Variants in TBC1D22A observed in about 807,000 individuals in gnomAD.
TBC1D22A encodes the protein TBC1 domain family member 22A, also known as putative GTPase activator.
TBC1D22A carries 38 observed loss-of-function variants against 60.2 expected under a neutral mutation model. That is an observed-to-expected ratio of 0.63 (90% CI 0.49 to 0.83). The LOEUF (loss-of-function observed/expected upper bound fraction) is 0.83. Ranked by LOEUF, TBC1D22A falls within the 40% of genes least tolerant of loss-of-function variation. The probability of loss-of-function intolerance (pLI) is 0.00; values close to 1 mark genes in which losing one functional copy is unlikely to be tolerated. For missense variants in TBC1D22A, 628 were observed against 701.0 expected, an observed-to-expected ratio of 0.90 and a Z score of 1.18; for synonymous variants, 302 against 281.7, an observed-to-expected ratio of 1.07 and a Z score of -0.72.
At chr22:46,796,197 G>A (rs73182615) in intron 3 of TBC1D22A, among the ~76,000 whole-genome samples, 5,464 of 152,236 alleles carry the variant, frequency 0.036, 128 homozygotes, top group Non-Finnish European at 0.054. Context: ...GAGACAGGGC[G>A]GTACTCTGAA....
intron 4 of TBC1D22A, among the ~76,000 whole-genome samples, chr22:46,839,309 CTTT>C (rs1178066621): frequency 2.9e-5 from 4 of 139,954 alleles, no homozygotes; most frequent in Non-Finnish European, 1.6e-5. Context: ...GATTCTTCTT[CTTT>C]TTTTTTTTTT....
At chr22:46,949,873 G>T (rs990058394) in intron 8 of TBC1D22A, among the ~76,000 whole-genome samples, 1 of 152,206 alleles carries the variant, frequency 6.6e-6, no homozygotes, top group African/African-American at 2.4e-5. Flanking sequence ...GAGACTTCCA[G>T]GGGGCCCTGA....
At chr22:46,786,009 T>C (rs1332571993) in intron 1 of TBC1D22A, among the ~76,000 whole-genome samples, 2 of 152,242 alleles carry the variant, frequency 1.3e-5, no homozygotes, top group Non-Finnish European at 2.9e-5. Context: ...CTTTAACTCC[T>C]GGGCTCAAGT....
At chr22:46,999,575 G>A (rs563424580) in intron 10 of TBC1D22A, among the ~76,000 whole-genome samples, 185 of 152,272 alleles carry the variant, frequency 1.2e-3, no homozygotes, top group Non-Finnish European at 2.1e-3. Flanking sequence ...CTTGGGAGAA[G>A]CATCTGCAGG....
At chr22:47,046,688 T>A (rs893819655) in intron 11 of TBC1D22A, among the ~76,000 whole-genome samples, 2 of 152,204 alleles carry the variant, frequency 1.3e-5, no homozygotes, top group Non-Finnish European at 1.5e-5. Flanking sequence ...GAGCTGCTGC[T>A]GTGATGGCGC....
chr22:47,166,468 TAATA>T (rs201494615), intron 12 of TBC1D22A, among the ~76,000 whole-genome samples: 2,499 of 152,366 alleles, frequency 0.016, 75 homozygotes, highest in African/African-American at 0.057. Context: ...CTTTTGTTCT[TAATA>T]AATATTCAAA....
At chr22:46,794,929 A>T (rs1383218884) in intron 3 of TBC1D22A, among the ~76,000 whole-genome samples, 2 of 152,128 alleles carry the variant, frequency 1.3e-5, no homozygotes, top group Admixed American at 6.5e-5. Context: ...AGCTGAGAAG[A>T]TGGAGATTGT....
At chr22:46,771,598 A>G (rs1325036557) in intron 1 of TBC1D22A, among the ~76,000 whole-genome samples, 6 of 139,374 alleles carry the variant, frequency 4.3e-5, no homozygotes, top group African/African-American at 1.6e-4. Flanking sequence ...CCTACTTACT[A>G]TTTTTTTTTT....
At chr22:47,003,923 C>T (rs745918480) in intron 10 of TBC1D22A, among the ~76,000 whole-genome samples, 7 of 144,364 alleles carry the variant, frequency 4.8e-5, no homozygotes, top group African/African-American at 7.8e-5. Context: ...ACACACCCTA[C>T]GCACGCATGC....
intron 11 of TBC1D22A, among the ~76,000 whole-genome samples, chr22:47,057,076 T>G (rs1198390196): frequency 2.0e-5 from 3 of 152,238 alleles, no homozygotes; most frequent in Non-Finnish European, 2.9e-5. Flanking sequence ...GCCCCGGGTC[T>G]GTGGCATTCT....
At chr22:47,007,142 C>T (rs1199041952) in intron 10 of TBC1D22A, among the ~76,000 whole-genome samples, 3 of 152,192 alleles carry the variant, frequency 2.0e-5, no homozygotes, top group African/African-American at 7.2e-5. Context: ...GTCACTGTCA[C>T]ATTGACCTCG....
At chr22:46,769,163 A>T (rs952036268) in intron 1 of TBC1D22A, among the ~76,000 whole-genome samples, 22 of 150,552 alleles carry the variant, frequency 1.5e-4, no homozygotes, top group Admixed American at 1.4e-3. Context: ...CATGGCAAGG[A>T]TGTGAGTGCT....
chr22:46,968,596 C>T (rs113480095), intron 8 of TBC1D22A, among the ~76,000 whole-genome samples: 16 of 148,972 alleles, frequency 1.1e-4, no homozygotes, highest in African/African-American at 3.7e-4. Context: ...CCTGAGTGGG[C>T]GGGCGTCCTC....
intron 11 of TBC1D22A, among the ~76,000 whole-genome samples, chr22:47,069,605 G>A (rs561744760): frequency 6.6e-6 from 1 of 151,988 alleles, no homozygotes; most frequent in African/African-American, 2.4e-5. Flanking sequence ...GTTCCAGGCT[G>A]TTCCCTGTTG....
chr22:46,971,956 C>T (rs570631339), intron 8 of TBC1D22A, among the ~76,000 whole-genome samples: 12 of 152,210 alleles, frequency 7.9e-5, no homozygotes, highest in Non-Finnish European at 1.3e-4. Flanking sequence ...GTGGACAGAA[C>T]CACCAGGAGA....
At chr22:46,778,124 G>A (rs745344360) in intron 1 of TBC1D22A, among the ~76,000 whole-genome samples, 3 of 152,038 alleles carry the variant, frequency 2.0e-5, no homozygotes, top group Non-Finnish European at 4.4e-5. Context: ...TGCGATTGGC[G>A]CTCACGGGAC....
At chr22:47,142,852 C>G (rs1214570429) in intron 12 of TBC1D22A, among the ~76,000 whole-genome samples, 1 of 135,880 alleles carries the variant, frequency 7.4e-6, no homozygotes, top group Non-Finnish European at 1.6e-5. Context: ...ATCCATTCAT[C>G]CACCCATCCA....
At chr22:46,907,961 A>C (rs997215110) in intron 7 of TBC1D22A, among the ~76,000 whole-genome samples, 1 of 152,212 alleles carries the variant, frequency 6.6e-6, no homozygotes, top group Non-Finnish European at 1.5e-5. Context: ...AGACAGCCGC[A>C]GAGTGGCTGG....
At chr22:46,831,629 C>G (rs2086314289) in intron 4 of TBC1D22A, among the ~76,000 whole-genome samples, 1 of 152,082 alleles carries the variant, frequency 6.6e-6, no homozygotes, top group South Asian at 2.1e-4. Flanking sequence ...CGTGAGCATC[C>G]ACAGAGGAAC....
Sources: allele counts gnomAD v4.1 joint callset (sites outside exome capture counted in the v4.1 genomes callset), GRCh38; gene constraint gnomAD v4.1.1; transcripts MANE v1.5; gene names NCBI Gene and HGNC (gene_info 2026-07-23, HGNC 2026-07-21).